Variants in ADGRD2 observed in about 807,000 individuals in gnomAD.
ADGRD2 encodes the protein G protein-coupled receptor PGR24.
ADGRD2 carries 71 observed loss-of-function variants against 44.4 expected under a neutral mutation model. That is an observed-to-expected ratio of 1.60 (90% CI 1.32 to 1.95). ADGRD2 has a LOEUF of 1.95. Among genes scored for constraint, ADGRD2 ranks in the 30% most tolerant of loss-of-function variants. The pLI is 0.00. For synonymous variants in ADGRD2, 481 were observed against 224.8 expected, an observed-to-expected ratio of 2.14 and a Z score of -10.19; for missense variants, 1,039 against 512.4, an observed-to-expected ratio of 2.03 and a Z score of -9.92.
chr9:124,464,408 G>A lies in ADGRD2; in HGVS notation c.1871-1850G>A, dbSNP rs116607914. On this transcript the variant is annotated intron_variant, in intron 10 of 21. Transcript: ENST00000334810. ...TCAGCAGAGCCATGCAAAGCATGGC[G>A]CTGCGTAATCTCGAGCAGGTTAACC... 6.9e-3 allele frequency among the ~76,000 whole-genome samples: 1,048 copies of A among 152,240 alleles called. 17 individuals carry two copies. Among genetic ancestry groups the A allele is most frequent in the African/African-American group, 0.025 (1,021 of 41,542 alleles).
rs1831784876 is a variant in ADGRD2, at chr9:124,464,809, TAC to T, written c.1871-1448_1871-1447del. Among the ~76,000 whole-genome samples the T allele has an allele frequency of 2.2e-4, 18 of 83,528 alleles. No homozygotes were observed. The East Asian group carries it at 6.9e-3, about 32-fold the overall frequency. The allele number at this position is 83,528 out of a possible 152,430, so 54.8% of individuals were successfully genotyped here. A position where few individuals can be genotyped will look rare whatever the true frequency, so the allele number is the denominator to read the frequency against. ...TTTGCTCCCACACATGCTGTGTGTGTACGTGTGTGTGTATGTGTTTTCACAAG... is the reference window on the plus strand; with the variant it reads ...TTTGCTCCCACACATGCTGTGTGTGTGTGTGTGTGTATGTGTTTTCACAAG... On this transcript the variant is annotated intron_variant, in intron 10 of 21. Coordinates refer to ENST00000334810, the Ensembl canonical transcript of ADGRD2.
intron 9 of ADGRD2, 86 bp downstream of exon 12, chr9:124,458,322 G>A: frequency 2.9e-6 from 2 of 682,910 alleles, no homozygotes; most frequent in Non-Finnish European, 5.4e-6. Flanking sequence ...GGGCGCATGT[G>A]TCCTTAGCAG....
At chr9:124,475,303 C>T (rs1455661881) in intron 17 of ADGRD2, 143 bp from the exon 21 acceptor site, 2 of 587,946 alleles carry the variant, frequency 3.4e-6, no homozygotes, top group Non-Finnish European at 6.1e-6. Context: ...AGGGCAGGGC[C>T]GACTTCGTGC....
intron 21 of ADGRD2, chr9:124,477,125 A>C: frequency 2.1e-6 from 1 of 475,524 alleles, no homozygotes; most frequent in African/African-American, 2.0e-5. Context: ...GAGCCTTCCA[A>C]ACCCGCTGAG....
chr9:124,467,093 G>T (rs1312305813), intron 11 of ADGRD2: 2 of 152,926 alleles, frequency 1.3e-5, no homozygotes, highest in African/African-American at 4.8e-5. Flanking sequence ...ACCACTTTGG[G>T]AGGCCAAGGC....
Position 124,458,124 on chromosome 9 carries a change from G to T in ADGRD2, c.1654G>T (p.Val552Phe), listed in dbSNP as rs1831652040. Residue 552 changes from valine (V) to phenylalanine (F), a missense_variant, in exon 9 of 22, where the codon GTC (valine) becomes TTC (phenylalanine). Transcript: ENST00000334810. ...TTCCTCTCAGCCAGGCCTCTCTGGA[G>T]TCACCGTGATCCACAGCTGGTTCAC... is the stretch of plus-strand genomic sequence containing the variant. The T allele has an allele frequency of 4.2e-6, 3 of 718,364 alleles. No homozygotes were observed. In the Admixed American group the frequency reaches 6.0e-5, roughly 14 times the overall value. 44.5% of individuals were successfully genotyped at this position (718,364 alleles called of 1,614,324 possible). A position where few individuals can be genotyped will look rare whatever the true frequency, so the allele number is the denominator to read the frequency against.
At chr9:124,452,035 A>T (rs1401479478), upstream of ADGRD2, 7 of 552,000 alleles carry the variant, frequency 1.3e-5, no homozygotes, top group East Asian at 3.1e-4. Flanking sequence ...GCATTCAACA[A>T]CTGCAAGTGT....
chr9:124,462,740 A>T (rs1831744499), intron 10 of ADGRD2, among the ~76,000 whole-genome samples: 1 of 152,226 alleles, frequency 6.6e-6, no homozygotes, highest in Non-Finnish European at 1.5e-5. Context: ...ATACAATGAT[A>T]TTATATTCTG....
At position 124,453,695 on chromosome 9, in the gene ADGRD2, C is replaced by CCCCCCCT; in HGVS notation, c.923+19_923+20insCCCCCCT. ...TGTCCCGGTACGACCCGCCCCGCCCCGGCCCCACCCCATGGCCCCGAATCC... is the reference window on the plus strand; with the variant it reads ...TGTCCCGGTACGACCCGCCCCGCCCCCCCCCCTGGCCCCACCCCATGGCCCCGAATCC... On this transcript the variant is annotated intron_variant, in intron 3 of 21. Transcript: ENST00000334810. 4.4e-6 allele frequency: 3 copies of CCCCCCCT among 678,242 alleles called. No homozygotes were observed. Among genetic ancestry groups the CCCCCCCT allele is most frequent in the South Asian group, 1.5e-5 (1 of 65,214 alleles). The allele number at this position is 678,242 out of a possible 1,614,324, so 42.0% of individuals were successfully genotyped here.
In ADGRD2 at chr9:124,454,992, G is replaced by T. The variant is rs1028215888; in HGVS notation, c.1260G>T (p.Arg420Ser). The stretch of plus-strand genomic sequence containing the variant: ...TGGCTGTTGTCCGCTTCCTGAAGAG[G>T]GTGGTGGCCCTCGGGGCTGGGGACC... The change falls in exon 6 of 22, where the codon AGG becomes AGT. Residue 420 changes from arginine to serine, a missense_variant. Arg to Ser is a moderately radical substitution (Grantham distance 110, BLOSUM62 -1). Coordinates refer to ENST00000334810, the Ensembl canonical transcript of ADGRD2. The surrounding 1 kb of genome is among the most constrained non-coding windows in gnomAD (Gnocchi z 4.5). 1.4e-6 allele frequency: 1 copy of T among 718,370 alleles called. No homozygotes were observed. Among genetic ancestry groups the T allele is most frequent in the South Asian group, 1.5e-5 (1 of 67,600 alleles). The allele number at this position is 718,370 out of a possible 1,614,324, so 44.5% of individuals were successfully genotyped here.
Position 124,468,689 on chromosome 9 carries a change from A to C in ADGRD2, c.2387+17A>C. 1.4e-6 allele frequency: 1 copy of C among 706,848 alleles called. No homozygotes were observed. The highest frequency in any genetic ancestry group is 2.6e-6 in the Non-Finnish European group (1 of 381,508). 43.8% of individuals were successfully genotyped at this position (706,848 alleles called of 1,614,324 possible). On this transcript the variant is annotated intron_variant, in intron 14 of 21. Transcript: ENST00000334810. ...CAGGCTGGGGTGAGGCCTGCTCTGC[A>C]CCCACACTCTCTTCTCCTCAGCTGT...
Position 124,454,946 on chromosome 9 carries a change from C to T in ADGRD2, c.1214C>T (p.Pro405Leu), listed in dbSNP as rs893836427. The change falls in exon 6 of 22, where the codon CCC (proline) becomes CTC (leucine). Residue 405 changes from proline to leucine, a missense_variant. By Grantham distance (98) the Pro-to-Leu change is moderately conservative (BLOSUM62 -3). Transcript: ENST00000334810. The surrounding 1 kb of genome is among the most constrained non-coding windows in gnomAD (Gnocchi z 4.5). Reference sequence around the variant, plus strand: ...CATGTCCTGGCGATGGAGATGGCTCCCCTGGGGCCGGCCGCACTGCTGGCT... The same window carrying T: ...CATGTCCTGGCGATGGAGATGGCTCTCCTGGGGCCGGCCGCACTGCTGGCT... 1.4e-6 allele frequency: 1 copy of T among 717,774 alleles called. No individual in the cohort carries two copies. The highest frequency in any genetic ancestry group is 1.5e-5 in the South Asian group (1 of 67,606). The allele number at this position is 717,774 out of a possible 1,614,324, so 44.5% of individuals were successfully genotyped here. A position where few individuals can be genotyped will look rare whatever the true frequency, so the allele number is the denominator to read the frequency against.
chr9:124,455,988 A>G (rs531707254), intron 6 of ADGRD2, among the ~76,000 whole-genome samples: 1 of 152,312 alleles, frequency 6.6e-6, no homozygotes, highest in Non-Finnish European at 1.5e-5. Context: ...ACGGCATAAC[A>G]CAGGAGGCTG....
chr9:124,453,930 C>A, intron 3 of ADGRD2, 69 bp from the exon 7 acceptor site: 1 of 609,982 alleles, frequency 1.6e-6, no homozygotes, highest in Non-Finnish European at 2.9e-6. Context: ...GCCACCTAAC[C>A]CCGGGGCCGT....
upstream of ADGRD2, chr9:124,451,999 C>CT: frequency 8.8e-6 from 3 of 340,008 alleles, no homozygotes; most frequent in South Asian, 2.3e-5. Flanking sequence ...CACTGAATGC[C>CT]CCCCTCCCAC....
intron 8 of ADGRD2, 94 bp from the exon 12 acceptor site, chr9:124,458,019 A>G (rs1371799140): frequency 8.8e-6 from 6 of 679,038 alleles, no homozygotes; most frequent in African/African-American, 5.3e-5. Flanking sequence ...CAGTTTCCCT[A>G]TCTCTAGAGT....
rs1390949214 is a variant in ADGRD2 at position 124,454,616 on chromosome 9, A to T, written c.1108+47A>T. ...GGAAAGCCTGGGGGCTCCATGGGTC[A>T]CCTCGCTGCACCTCAGTTTCCTCCC... On this transcript the variant is annotated intron_variant, in intron 5 of 21. Coordinates refer to ENST00000334810, the Ensembl canonical transcript of ADGRD2. The surrounding 1 kb of genome is among the most constrained non-coding windows in gnomAD (Gnocchi z 4.5). The T allele has an allele frequency of 1.4e-6, 1 of 699,108 alleles. No individual in the cohort carries two copies. Among genetic ancestry groups the T allele is most frequent in the East Asian group, 2.7e-5 (1 of 36,772 alleles). The allele number at this position is 699,108 out of a possible 1,614,324, so 43.3% of individuals were successfully genotyped here.
intron 11 of ADGRD2, 66 bp downstream of exon 14, chr9:124,466,479 A>T: frequency 1.6e-6 from 1 of 607,496 alleles, no homozygotes; most frequent in Non-Finnish European, 3.1e-6. Context: ...GAGAAGAGCC[A>T]ATAGGTAGCC....
In ADGRD2 at chr9:124,453,576, C is replaced by A. The variant is rs542304419; in HGVS notation, c.825C>A (p.Cys275Ter). ...CTCAGCTGCACCGGGCACGGGCCTGCGCGCCGCCCTCAGAGGGCCTGCTCT... is the reference window on the plus strand; with the variant it reads ...CTCAGCTGCACCGGGCACGGGCCTGAGCGCCGCCCTCAGAGGGCCTGCTCT... The change falls in exon 3 of 22, where the codon TGC becomes TGA. Residue 275 changes from cysteine (C) to a stop codon, truncating the protein, a stop_gained. Transcript: ENST00000334810. LOFTEE classifies it high-confidence loss of function. 3.8e-4 allele frequency: 266 copies of A among 699,158 alleles called. No individual in the cohort carries two copies. In the African/African-American group the frequency reaches 4.3e-3, roughly 11 times the overall value. 43.3% of individuals were successfully genotyped at this position (699,158 alleles called of 1,614,324 possible). A position where few individuals can be genotyped will look rare whatever the true frequency, so the allele number is the denominator to read the frequency against.
Sources: allele counts gnomAD v4.1 joint callset (sites outside exome capture counted in the v4.1 genomes callset), GRCh38; gene constraint gnomAD v4.1.1; non-coding constraint Gnocchi (gnomAD v3.1); transcripts MANE v1.5; gene names NCBI Gene and HGNC (gene_info 2026-07-23, HGNC 2026-07-21).